The following SYTL2 variants were observed in gnomAD, a reference collection of about 807,000 sequenced individuals.
SYTL2 encodes synaptotagmin like 2.
In SYTL2, 165 loss-of-function variants were observed where a neutral mutation model predicts 198.7. The ratio of observed to expected loss-of-function variants is 0.83; its 90% CI spans 0.73 to 0.94. The LOEUF is 0.94. Ranked by LOEUF, SYTL2 falls within the 40% of genes least tolerant of loss-of-function variation. The pLI is 0.00. For synonymous variants in SYTL2, 966 were observed against 917.7 expected (o/e 1.05, Z -0.95); for missense variants, 2,835 against 2,582.8 (o/e 1.10, Z -2.12).
chr11:85,851,251 G>A, the SYTL2 span, among the ~76,000 whole-genome samples: 24 of 152,244 alleles, frequency 1.6e-4, no homozygotes, highest in East Asian at 3.9e-4. Context: ...TCAAGTTTGT[G>A]AGGAACAAAG....
chr11:85,829,384 G>C, the SYTL2 span, among the ~76,000 whole-genome samples: 1 of 152,116 alleles, frequency 6.6e-6, no homozygotes, highest in Non-Finnish European at 1.5e-5. Context: ...ACATGATTTT[G>C]TTCTTTTTTA....
chr11:85,762,644 C>A (rs1565999543), intron 1 of SYTL2, among the ~76,000 whole-genome samples: 1 of 152,212 alleles, frequency 6.6e-6, no homozygotes, highest in Non-Finnish European at 1.5e-5. Flanking sequence ...TGCCTTCAGG[C>A]TTTTGCATGT....
intron 14 of SYTL2, among the ~76,000 whole-genome samples, chr11:85,708,421 AT>A (rs1335753284): frequency 2.0e-5 from 3 of 152,214 alleles, no homozygotes; most frequent in Non-Finnish European, 2.9e-5. Flanking sequence ...ATAATTAAGA[AT>A]CAGACTTCTG....
intron 4 of SYTL2, among the ~76,000 whole-genome samples, chr11:85,739,399 C>A (rs1177727224): frequency 1.3e-5 from 2 of 151,772 alleles, no homozygotes; most frequent in Non-Finnish European, 2.9e-5. Flanking sequence ...TAGTCAGACA[C>A]TAAAATATTA....
intron 7 of SYTL2, among the ~76,000 whole-genome samples, chr11:85,728,891 T>C (rs111467114): frequency 1.3e-5 from 2 of 152,210 alleles, no homozygotes; most frequent in African/African-American, 4.8e-5. Flanking sequence ...TTTCTGAAGA[T>C]TGGGCACAGT....
the SYTL2 span, among the ~76,000 whole-genome samples, chr11:85,818,975 G>A: frequency 2.0e-5 from 3 of 152,118 alleles, no homozygotes; most frequent in African/African-American, 7.2e-5. Context: ...TCCTGCCTCG[G>A]TGTCCTTATC....
chr11:85,800,502 C>A (rs939657443), intron 1 of SYTL2, among the ~76,000 whole-genome samples: 1 of 151,978 alleles, frequency 6.6e-6, no homozygotes, highest in Non-Finnish European at 1.5e-5. Context: ...TGGTCTCAAA[C>A]TCCTGGGTTC....
intron 1 of SYTL2, among the ~76,000 whole-genome samples, chr11:85,785,746 T>C (rs1229641669): frequency 3.3e-5 from 5 of 152,166 alleles, no homozygotes; most frequent in Admixed American, 6.5e-5. Flanking sequence ...TATTAAGATG[T>C]ATGAAGCCTG....
In SYTL2 at chr11:85,695,154, G is replaced by A. The variant is rs190879157; in HGVS notation, c.*41C>T. The stretch of plus-strand genomic sequence containing the variant: ...CAGATTTTCAAGATCAGATTCCACC[G>A]GTTTAGTAGTTTTCAGTGGAGGAGC... On this transcript the variant is annotated 3_prime_UTR_variant, in exon 20 of 20. Transcript: ENST00000359152. 2.4e-3 allele frequency: 3,812 copies of A among 1,585,704 alleles called. 8 individuals are homozygous for A. Among genetic ancestry groups the A allele is most frequent in the Non-Finnish European group, 2.9e-3 (3,350 of 1,163,556 alleles).
chr11:85,852,361 C>CCCCTCTCCCTCTCCCCACGGTCT, the SYTL2 span, among the ~76,000 whole-genome samples: 4 of 151,998 alleles, frequency 2.6e-5, no homozygotes, highest in African/African-American at 9.7e-5. Flanking sequence ...CCTCCCCCTC[C>CCCCTCTCCCTCTCCCCACGGTCT]CCCTCTCCCT....
At position 85,750,866 on chromosome 11, in the gene SYTL2, G is replaced by A. The variant is rs575689314; in HGVS notation, c.102-2443C>T. 4.6e-5 allele frequency among the ~76,000 whole-genome samples: 7 copies of A among 152,184 alleles called. No individual in the cohort carries two copies. In the South Asian group the frequency reaches 6.2e-4, roughly 14 times the overall value. On this transcript the variant is annotated intron_variant, in intron 2 of 19. Coordinates refer to ENST00000359152, the MANE Select transcript of SYTL2 (RefSeq NM_206927.4). ...AAAAAACATCATGAAATGTGGTGTCGGTCAGCATTCTTGTTGAAGGAGGCC... is the reference window on the plus strand; with the variant it reads ...AAAAAACATCATGAAATGTGGTGTCAGTCAGCATTCTTGTTGAAGGAGGCC...
chr11:85,782,856 A>C (rs1167710622), intron 1 of SYTL2, among the ~76,000 whole-genome samples: 2 of 152,236 alleles, frequency 1.3e-5, no homozygotes, highest in Non-Finnish European at 2.9e-5. Context: ...TCTCCATCTG[A>C]GACCACCTCA....
At chr11:85,822,315 G>A in the SYTL2 span, among the ~76,000 whole-genome samples, 101 of 152,302 alleles carry the variant, frequency 6.6e-4, 2 homozygotes, top group East Asian at 0.017. Flanking sequence ...CCCACCCCTT[G>A]CAGCAAGGTA....
chr11:85,725,270 G>C lies in SYTL2; in HGVS notation c.4088C>G (p.Pro1363Arg), dbSNP rs1159404766. ...ACTTACATCATTCAATACAGGTCTG[G>C]GTGGAAGAATGACTTTCTCTACAGT... ...SETVEKVILP[P>R]RPVLNDVSAA... Residue 1363 changes from proline (P) to arginine (R), a missense_variant, in exon 8 of 20, where the codon CCC (proline) becomes CGC (arginine). By Grantham distance (103) the Pro-to-Arg change is moderately radical (BLOSUM62 -2). Around this residue, in one of 3 missense-constraint regions of SYTL2, gnomAD observed 2,645 missense variants for 2,381.7 expected, o/e 1.11. Transcript: ENST00000359152. The C allele has an allele frequency of 1.2e-6, 2 of 1,614,086 alleles. No homozygotes were observed. The highest frequency in any genetic ancestry group is 1.7e-6 in the Non-Finnish European group (2 of 1,180,006).
chr11:85,755,243 C>T (rs2091792350), intron 2 of SYTL2, among the ~76,000 whole-genome samples: 1 of 152,122 alleles, frequency 6.6e-6, no homozygotes. Flanking sequence ...ATGAGTTGAG[C>T]CTTTTTCAGG....
At chr11:85,854,834 C>T in the SYTL2 span, 1 of 152,238 alleles carries the variant, frequency 6.6e-6, no homozygotes, top group African/African-American at 2.4e-5. Flanking sequence ...GCCCGTGGGC[C>T]CTGTGTCTAC....
chr11:85,752,696 T>A (rs2091584558), intron 2 of SYTL2, among the ~76,000 whole-genome samples: 1 of 151,824 alleles, frequency 6.6e-6, no homozygotes, highest in Non-Finnish European at 1.5e-5. Context: ...TGATGTTGGA[T>A]CAACAAGGCT....
Position 85,696,384 on chromosome 11 carries a change from T to C in SYTL2, c.6373A>G (p.Ile2125Val), listed in dbSNP as rs1269941221. 3 of 1,613,576 alleles carry C rather than the reference T, an allele frequency of 1.9e-6. No homozygotes were observed. The highest frequency in any genetic ancestry group is 1.1e-5 in the South Asian group (1 of 91,074). The change falls in exon 19 of 20, where the codon ATC (isoleucine) becomes GTC (valine). Residue 2125 changes from isoleucine to valine, a missense_variant. Physicochemically the swap from Ile to Val is conservative, Grantham distance 29. Coordinates refer to ENST00000359152, the MANE Select transcript of SYTL2 (RefSeq NM_206927.4). ...CTTTTCCTACTTGTATCTGGAAGGA[T>C]GGTACTACAAAAAGAGGCATGATTG... The part of the protein sequence containing the change: ...SHLNSFVKCT[I>V]LPDTSRKSRQ...
At chr11:85,721,400 T>C (rs902494680) in intron 8 of SYTL2, among the ~76,000 whole-genome samples, 2 of 152,042 alleles carry the variant, frequency 1.3e-5, no homozygotes, top group African/African-American at 4.8e-5. Flanking sequence ...TGGGTACACA[T>C]ATGAGTGCAT....
Sources: allele counts gnomAD v4.1 joint callset (sites outside exome capture counted in the v4.1 genomes callset), GRCh38; gene constraint gnomAD v4.1.1; regional missense constraint gnomAD v4.1.1; transcripts MANE v1.5; gene names NCBI Gene and HGNC (gene_info 2026-07-23, HGNC 2026-07-21).